The following SFI1 variants were observed in gnomAD, a reference collection of about 807,000 sequenced individuals.
SFI1 encodes SFI1 centrin binding protein, also known as protein SFI1 homolog.
A neutral mutation model predicts 207.5 loss-of-function variants in SFI1; 195 were observed. That is an observed-to-expected ratio of 0.94 (90% CI 0.84 to 1.06). The LOEUF is 1.06. SFI1 is among the 50% of genes least tolerant of loss of function. The pLI is 0.00. For synonymous variants in SFI1, 630 were observed against 598.9 expected (o/e 1.05, Z -0.76); for missense variants, 1,634 against 1,588.0 (o/e 1.03, Z -0.49).
At chr22:31,578,607 T>G (rs1048943805) in intron 11 of SFI1, among the ~76,000 whole-genome samples, 155 bp downstream of exon 11, 1 of 152,214 alleles carries the variant, frequency 6.6e-6, no homozygotes, top group Non-Finnish European at 1.5e-5. Flanking sequence ...TGTCCTTCTT[T>G]TCATTTTGGA....
At position 31,573,147 on chromosome 22, in the gene SFI1, A is replaced by G. The variant is rs1180052871; in HGVS notation, c.855A>G (p.Gln285=). ...CAGTGAAACATCATCAGCACTGGCA[A>G]AAACGGAGATTTCTAAAGGCCTGGC... ...VSAVKHHQHW[Q]KRRFLKAWLE... is the part of the protein sequence containing the mutation. Residue 285 remains glutamine, a synonymous_variant, in exon 9 of 33, where the codon CAA becomes CAG. Transcript: ENST00000400288. 1.2e-6 allele frequency: 2 copies of G among 1,614,000 alleles called. No individual in the cohort carries two copies. Among genetic ancestry groups the G allele is most frequent in the Non-Finnish European group, 1.7e-6 (2 of 1,180,028 alleles).
At chr22:31,582,271 AC>A (rs1267789733) in intron 12 of SFI1, among the ~76,000 whole-genome samples, 1 of 27,534 alleles carries the variant, frequency 3.6e-5, no homozygotes, top group Non-Finnish European at 6.7e-5. Flanking sequence ...TTTTTTTGAA[AC>A]CGGGTCTCGC....
At chr22:31,552,258 CT>C (rs982929176) in intron 6 of SFI1, among the ~76,000 whole-genome samples, 6 of 148,786 alleles carry the variant, frequency 4.0e-5, no homozygotes, top group Admixed American at 1.3e-4. Context: ...TATTTTCTTT[CT>C]TTTTTTTTTA....
intron 27 of SFI1, 126 bp downstream of exon 27, chr22:31,613,981 G>T: frequency 7.9e-7 from 1 of 1,272,928 alleles, no homozygotes; most frequent in Admixed American, 2.9e-5. Context: ...CAGCTGAGCT[G>T]CTGGGAACCC....
At chr22:31,582,204 T>TATATATATATATATATATATATA (rs772735368) in intron 12 of SFI1, among the ~76,000 whole-genome samples, 2 of 16,004 alleles carry the variant, frequency 1.2e-4, no homozygotes, top group Non-Finnish European at 2.1e-4. Flanking sequence ...CTTTATTACA[T>TATATATATATATATATATATATA]TTTATATATA....
chr22:31,537,168 C>T (rs1159614986), intron 4 of SFI1, among the ~76,000 whole-genome samples: 2 of 152,116 alleles, frequency 1.3e-5, no homozygotes, highest in Non-Finnish European at 2.9e-5. Context: ...GCACATTGGC[C>T]CTTTGTCCTC....
intron 14 of SFI1, among the ~76,000 whole-genome samples, chr22:31,585,523 G>A (rs1214965332): frequency 2.6e-4 from 39 of 152,154 alleles, no homozygotes; most frequent in Non-Finnish European, 5.9e-5. Context: ...CATGTCTCCC[G>A]GGGGTGGAGG....
intron 5 of SFI1, among the ~76,000 whole-genome samples, chr22:31,547,371 C>G (rs1023999672): frequency 2.6e-5 from 4 of 152,192 alleles, no homozygotes; most frequent in Non-Finnish European, 5.9e-5. Flanking sequence ...AGTGCAGTGG[C>G]ACGATCTTGG....
At chr22:31,508,084 T>TA (rs896638495) in intron 1 of SFI1, among the ~76,000 whole-genome samples, 171 bp from the exon 2 acceptor site, 12 of 147,978 alleles carry the variant, frequency 8.1e-5, no homozygotes, top group Non-Finnish European at 1.2e-4. Context: ...TCAAAAAAAT[T>TA]AAAAAAAAAA....
chr22:31,587,939 G>A (rs577960037), intron 14 of SFI1: 1 of 152,236 alleles, frequency 6.6e-6, no homozygotes, highest in Non-Finnish European at 1.5e-5. Flanking sequence ...CCTCTGTTTG[G>A]GTAGGAGTGT....
chr22:31,531,036 A>G (rs369470938), intron 3 of SFI1, 22 bp from the exon 4 acceptor site: 96 of 1,600,246 alleles, frequency 6.0e-5, no homozygotes, highest in Non-Finnish European at 7.6e-5. Flanking sequence ...AAATATGTAT[A>G]TGCTTTTTTT....
In SFI1 at chr22:31,583,921, A is replaced by C. The variant is rs751117003; in HGVS notation, c.1295A>C (p.Lys432Thr). Residue 432 changes from lysine to threonine, a missense_variant, in exon 13 of 33, where the codon AAA becomes ACA. Transcript: ENST00000400288. ...WNLWRSQIEQ[K>T]KERELLPLLH... is the part of the protein sequence containing the mutation. ...CTCTGGCGGTCTCAGATTGAGCAGAAAAAGGAAAGAGAGCTGCTCCCCTTA... is the reference window on the plus strand; with the variant it reads ...CTCTGGCGGTCTCAGATTGAGCAGACAAAGGAAAGAGAGCTGCTCCCCTTA... 6.2e-7 allele frequency: 1 copy of C among 1,614,174 alleles called. No individual in the cohort carries two copies. Among genetic ancestry groups the C allele is most frequent in the Non-Finnish European group, 8.5e-7 (1 of 1,180,036 alleles).
intron 15 of SFI1, among the ~76,000 whole-genome samples, chr22:31,595,334 C>A (rs1351902386): frequency 6.6e-6 from 1 of 152,192 alleles, no homozygotes; most frequent in Non-Finnish European, 1.5e-5. Flanking sequence ...TGTATGTCTG[C>A]CACTGTGTTG....
At chr22:31,613,580 C>T in intron 26 of SFI1, 22 bp from the exon 27 acceptor site, 1 of 1,577,668 alleles carries the variant, frequency 6.3e-7, no homozygotes, top group Non-Finnish European at 8.6e-7. Context: ...GTGGCATGAG[C>T]TGACCAGAGG....
intron 15 of SFI1, among the ~76,000 whole-genome samples, chr22:31,591,497 G>A (rs1268600369): frequency 2.6e-5 from 4 of 151,706 alleles, no homozygotes; most frequent in Non-Finnish European, 2.9e-5. Flanking sequence ...CCTCCCAGAC[G>A]GGGTGGTGGC....
At chr22:31,614,555 T>G (rs758835890) in intron 27 of SFI1, 4 of 690,710 alleles carry the variant, frequency 5.8e-6, no homozygotes, top group South Asian at 3.0e-5. Context: ...TCACCAGGGT[T>G]GTTCTGCAGG....
chr22:31,578,738 TATAA>T lies in SFI1; in HGVS notation c.1155+288_1155+291del, dbSNP rs149914143. On this transcript the variant is annotated intron_variant, in intron 11 of 32. Coordinates refer to ENST00000400288, the MANE Select transcript of SFI1 (RefSeq NM_001007467.3). ...CCTTTTGAGTGGCGGAAGCCTCACCTATAAAATAGGTCAAAGTAGCCATGCTGTG... is the reference window on the plus strand; with the variant it reads ...CCTTTTGAGTGGCGGAAGCCTCACCTAATAGGTCAAAGTAGCCATGCTGTG... Among the ~76,000 whole-genome samples the T allele has an allele frequency of 1.3e-3, 194 of 152,250 alleles. 1 individual carries two copies. The East Asian group carries it at 0.025, about 20-fold the overall frequency.
chr22:31,584,535 A>G (rs898107063), intron 13 of SFI1, among the ~76,000 whole-genome samples: 11 of 152,288 alleles, frequency 7.2e-5, no homozygotes, highest in Middle Eastern at 6.8e-3. Flanking sequence ...GAAATGTTCA[A>G]TATGTCCTTC....
At chr22:31,616,531 T>C (rs2071497310) in intron 29 of SFI1, 1 of 466,584 alleles carries the variant, frequency 2.1e-6, no homozygotes, top group Non-Finnish European at 3.7e-6. Flanking sequence ...CCCTGGTTGC[T>C]TGCGGGACTT....
Sources: allele counts gnomAD v4.1 joint callset (sites outside exome capture counted in the v4.1 genomes callset), GRCh38; gene constraint gnomAD v4.1.1; transcripts MANE v1.5; gene names NCBI Gene and HGNC (gene_info 2026-07-23, HGNC 2026-07-21).